Variants in DNAH5 observed in about 807,000 individuals in gnomAD.
DNAH5 encodes the protein dynein axonemal heavy chain 5.
DNAH5 carries 372 observed loss-of-function variants against 518.2 expected under a neutral mutation model. The ratio of observed to expected loss-of-function variants is 0.72; its 90% CI spans 0.66 to 0.78. The LOEUF (loss-of-function observed/expected upper bound fraction) is 0.78. Among genes scored for constraint, DNAH5 ranks in the 30% least tolerant of loss-of-function variants. DNAH5 has a pLI of 0.00. For synonymous variants in DNAH5, 2,039 were observed against 2,025.9 expected (o/e 1.01, Z -0.17); for missense variants, 5,523 against 5,687.0 (o/e 0.97, Z 0.93).
rs1750146089 is a variant in DNAH5 at position 13,751,082 on chromosome 5, T to A, written c.11207A>T (p.Lys3736Met). ...QLLGRVILTE[K>M]QELEKERTHL... Reference sequence around the variant, plus strand: ...AGGGAGCCACACTTCACTCACCTGCTTCTCTGTGAGAATGACCCTCCCCAG... The same window carrying A: ...AGGGAGCCACACTTCACTCACCTGCATCTCTGTGAGAATGACCCTCCCCAG... The change falls in exon 65 of 79, where the codon AAG becomes ATG. Residue 3736 changes from lysine to methionine, a missense_variant. Physicochemically the swap from Lys to Met is moderately conservative, Grantham distance 95. Coordinates refer to ENST00000265104, the MANE Select transcript of DNAH5 (RefSeq NM_001369.3). 6.2e-7 allele frequency: 1 copy of A among 1,613,792 alleles called. No homozygotes were observed. Among genetic ancestry groups the A allele is most frequent in the African/African-American group, 1.3e-5 (1 of 74,924 alleles).
intron 50 of DNAH5, among the ~76,000 whole-genome samples, chr5:13,790,592 T>G (rs1756814448): frequency 6.6e-6 from 1 of 152,170 alleles, no homozygotes; most frequent in South Asian, 2.1e-4. Context: ...CTCCTGATAG[T>G]GAGTGAGTTC....
intron 65 of DNAH5, among the ~76,000 whole-genome samples, chr5:13,741,357 CAG>C (rs1448408682): frequency 6.6e-6 from 1 of 152,182 alleles, no homozygotes; most frequent in Non-Finnish European, 1.5e-5. Context: ...TTAAGCAAAA[CAG>C]AAGTTCAGGT....
rs746602106 is a variant in DNAH5, at chr5:13,769,000, G to A, written c.9857C>T (p.Ala3286Val). The A allele has an allele frequency of 5.0e-6, 8 of 1,614,072 alleles. No homozygotes were observed. The highest frequency in any genetic ancestry group is 2.2e-5 in the East Asian group (1 of 44,894). The stretch of plus-strand genomic sequence containing the variant: ...TGCCTCTTCTAAAGCTGGTTTTGCT[G>A]CTTCCAGTTTTTCTTCAGCAATGGC... The part of the protein sequence containing the change: ...DKAIAEEKLE[A>V]AKPALEEAEA... Residue 3286 changes from alanine (A) to valine (V), a missense_variant, in exon 58 of 79, where the codon GCA (alanine) becomes GTA (valine). This residue lies in a region of DNAH5 where 5,121 missense variants were observed against 5,223.3 expected (regional missense o/e 0.98). Coordinates refer to ENST00000265104, the MANE Select transcript of DNAH5 (RefSeq NM_001369.3).
chr5:13,889,287 T>G (rs1162173344), intron 17 of DNAH5, among the ~76,000 whole-genome samples: 1 of 152,162 alleles, frequency 6.6e-6, no homozygotes, highest in Non-Finnish European at 1.5e-5. Flanking sequence ...GAGGAAGAGA[T>G]AGTTTTTTAA....
chr5:13,783,678 T>C (rs1344165893), intron 52 of DNAH5, among the ~76,000 whole-genome samples: 2 of 152,174 alleles, frequency 1.3e-5, no homozygotes, highest in Non-Finnish European at 2.9e-5. Flanking sequence ...AGATACACTG[T>C]ACTGAAAGAA....
chr5:13,876,738 TTTG>T lies in DNAH5; in HGVS notation c.3339_3341del (p.Asn1113del). 6.2e-7 allele frequency: 1 copy of T among 1,613,952 alleles called. No individual in the cohort carries two copies. The highest frequency in any genetic ancestry group is 8.5e-7 in the Non-Finnish European group (1 of 1,179,868). Reference sequence around the variant, plus strand: ...GCACAGAAACTAATTTTACAATCTCTTTGTTTTCAGAAACATTCTTATAATAGT... The same window carrying T: ...GCACAGAAACTAATTTTACAATCTCTTTTTCAGAAACATTCTTATAATAGT... On this transcript the variant is annotated inframe_deletion, in exon 22 of 79. Coordinates refer to ENST00000265104, the MANE Select transcript of DNAH5 (RefSeq NM_001369.3).
intron 1 of DNAH5, among the ~76,000 whole-genome samples, chr5:13,987,523 C>T (rs1295351216): frequency 1.3e-5 from 2 of 152,144 alleles, no homozygotes; most frequent in Non-Finnish European, 2.9e-5. Context: ...TAAGGCCTCA[C>T]CACCTCTCAA....
At chr5:13,822,402 C>T (rs1007830927) in intron 40 of DNAH5, among the ~76,000 whole-genome samples, 5 of 151,954 alleles carry the variant, frequency 3.3e-5, no homozygotes, top group African/African-American at 1.2e-4. Flanking sequence ...AGGCACATGG[C>T]ACCATGCCCA....
At chr5:13,989,396 T>C (rs10035977) in intron 1 of DNAH5, among the ~76,000 whole-genome samples, 11 of 150,674 alleles carry the variant, frequency 7.3e-5, no homozygotes, top group Non-Finnish European at 1.3e-4. Flanking sequence ...AAAAAAAAAA[T>C]CCGGTCCCAA....
chr5:13,833,773 C>T (rs1031552788), intron 35 of DNAH5, among the ~76,000 whole-genome samples: 1 of 152,204 alleles, frequency 6.6e-6, no homozygotes, highest in Non-Finnish European at 1.5e-5. Context: ...CTGCCTTCTG[C>T]TTAAGTGACA....
chr5:13,996,745 G>A (rs960084062), intron 1 of DNAH5, among the ~76,000 whole-genome samples: 12 of 152,238 alleles, frequency 7.9e-5, no homozygotes, highest in African/African-American at 1.4e-4. Context: ...CACAGCCCAC[G>A]GGGCAGCTCT....
chr5:13,825,916 G>A (rs1335920020), intron 38 of DNAH5, among the ~76,000 whole-genome samples: 1 of 152,174 alleles, frequency 6.6e-6, no homozygotes, highest in East Asian at 1.9e-4. Flanking sequence ...TTCTGCTAAG[G>A]TAATTGGGAG....
At chr5:13,701,477 A>C (rs765353945) in intron 76 of DNAH5, 41 bp from the exon 77 acceptor site, 2 of 1,535,704 alleles carry the variant, frequency 1.3e-6, no homozygotes, top group African/African-American at 1.4e-5. Flanking sequence ...ATGTAAGTTT[A>C]ATACTGCAGT....
chr5:13,990,786 G>A (rs756567693), intron 1 of DNAH5, among the ~76,000 whole-genome samples: 2 of 151,972 alleles, frequency 1.3e-5, no homozygotes, highest in Non-Finnish European at 2.9e-5. Context: ...AGAATCACTT[G>A]AACCTGGGAG....
At position 13,793,572 on chromosome 5, in the gene DNAH5, G is replaced by A. The variant is rs1309660408; in HGVS notation, c.8167C>T (p.Gln2723Ter). Residue 2723 changes from glutamine (Q) to a stop codon, truncating the protein, a stop_gained, in exon 49 of 79, where the codon CAG becomes TAG. Coordinates refer to ENST00000265104, the MANE Select transcript of DNAH5 (RefSeq NM_001369.3). LOFTEE classifies it high-confidence loss of function. ...RNDIPQRLKR[Q>*]FSIFNCTLPS... ...AACGTGCAATTAAATATAGAGAACT[G>A]CCTCTTGAGTCTTTGGGGTATGTCA... is the stretch of plus-strand genomic sequence containing the variant. 3 of 1,614,042 alleles carry A rather than the reference G, an allele frequency of 1.9e-6. No homozygotes were observed. Among genetic ancestry groups the A allele is most frequent in the Non-Finnish European group, 2.5e-6 (3 of 1,180,018 alleles).
At chr5:13,997,100 C>G (rs565565750) in intron 1 of DNAH5, among the ~76,000 whole-genome samples, 3 of 152,338 alleles carry the variant, frequency 2.0e-5, no homozygotes, top group Non-Finnish European at 1.5e-5. Context: ...ACCACTTTTT[C>G]TTTTGGAGGG....
At chr5:13,985,317 T>C (rs1173952500) in intron 1 of DNAH5, among the ~76,000 whole-genome samples, 5 of 150,620 alleles carry the variant, frequency 3.3e-5, no homozygotes, top group Non-Finnish European at 5.9e-5. Flanking sequence ...TTAGGAGATA[T>C]ACCTAATGTA....
intron 28 of DNAH5, among the ~76,000 whole-genome samples, chr5:13,863,712 C>T (rs1768810329): frequency 6.6e-6 from 1 of 152,150 alleles, no homozygotes; most frequent in Non-Finnish European, 1.5e-5. Context: ...CCTTGTCCTC[C>T]TTCAATTATT....
Position 13,867,864 on chromosome 5 carries a change from G to A in DNAH5, c.3963C>T (p.Val1321=). 1 of 1,614,088 alleles carries A rather than the reference G, an allele frequency of 6.2e-7. No homozygotes were observed. The highest frequency in any genetic ancestry group is 8.5e-7 in the Non-Finnish European group (1 of 1,179,988). The change falls in exon 25 of 79, where the codon GTC becomes GTT. Residue 1321 remains valine (V), a synonymous_variant. Coordinates refer to ENST00000265104, the MANE Select transcript of DNAH5 (RefSeq NM_001369.3). ...ARAGEVQNKL[V]SLQPSFKKEL... is the part of the protein sequence containing the mutation. ...CTTTCTTGAAACTGGGCTGCAGTGA[G>A]ACTAATTTATTCTGGACTTCGCCAG... is the stretch of plus-strand genomic sequence containing the variant.
Sources: gnomAD v4.1 joint callset for allele counts (sites outside exome capture counted in the v4.1 genomes callset) on GRCh38, gnomAD v4.1.1 for gene constraint, gnomAD v4.1.1 regional missense constraint, MANE v1.5 for transcripts, NCBI Gene and HGNC (gene_info 2026-07-23, HGNC 2026-07-21) for gene names.